The following CDC20B variants were observed in gnomAD, a reference collection of about 807,000 sequenced individuals.
CDC20B encodes the protein cell division cycle 20B.
CDC20B carries 58 observed loss-of-function variants against 64.1 expected under a neutral mutation model. The observed-to-expected ratio is 0.90, with a 90% CI of 0.73 to 1.13. The LOEUF is 1.13. Ranked by LOEUF, CDC20B falls within the 50% of genes most tolerant of loss-of-function variation. The probability of loss-of-function intolerance (pLI) is 0.00; values close to 1 mark genes in which losing one functional copy is unlikely to be tolerated. For missense variants in CDC20B, 597 were observed against 633.0 expected, an observed-to-expected ratio of 0.94 and a Z score of 0.61; for synonymous variants, 243 against 230.6, an observed-to-expected ratio of 1.05 and a Z score of -0.49.
chr5:55,152,455 A>G (rs1743693744), intron 2 of CDC20B, among the ~76,000 whole-genome samples: 1 of 152,174 alleles, frequency 6.6e-6, no homozygotes, highest in Admixed American at 6.5e-5. Flanking sequence ...TTTCATCACA[A>G]CCCTCTGAAA....
At position 55,114,345 on chromosome 5, in the gene CDC20B, T is replaced by C. The variant is rs375938676; in HGVS notation, c.1460-27A>G. The C allele has an allele frequency of 3.9e-5, 63 of 1,611,900 alleles. No individual in the cohort carries two copies. The highest frequency in any genetic ancestry group is 2.0e-4 in the Admixed American group (12 of 59,776). Reference sequence around the variant, plus strand: ...TGGGGGAAGAAGGAAAGACAGTTCATACTCCTCCACGTTACATGGGCTGCT... The same window carrying C: ...TGGGGGAAGAAGGAAAGACAGTTCACACTCCTCCACGTTACATGGGCTGCT... On this transcript the variant is annotated intron_variant, in intron 11 of 11. Transcript: ENST00000381375. The surrounding 1 kb of genome is among the most constrained non-coding windows in gnomAD (Gnocchi z 4.1).
At chr5:55,166,711 G>A (rs1237845197) in intron 2 of CDC20B, 5 of 152,198 alleles carry the variant, frequency 3.3e-5, no homozygotes, top group African/African-American at 1.2e-4. Context: ...CAGGATGCCT[G>A]GGCTAAGGAC....
rs148264209 is a variant in CDC20B at position 55,143,699 on chromosome 5, G to C, written c.356-56C>G. 143 of 1,503,610 alleles carry C rather than the reference G, an allele frequency of 9.5e-5. 1 individual carries two copies. The African/African-American group carries it at 1.8e-3, about 19-fold the overall frequency. The allele number at this position is 1,503,610 out of a possible 1,614,324, so 93.1% of individuals were successfully genotyped here. A position where few individuals can be genotyped will look rare whatever the true frequency, so the allele number is the denominator to read the frequency against. On this transcript the variant is annotated intron_variant, in intron 3 of 11. Coordinates refer to ENST00000381375, the MANE Select transcript of CDC20B (RefSeq NM_001170402.1). ...GTTTTTAAAACAAGATAATCACTTT[G>C]ATTGTAGGTCTGGCTGTGGCATCTT...
At chr5:55,129,203 G>A (rs1371634909) in intron 6 of CDC20B, among the ~76,000 whole-genome samples, 1 of 152,088 alleles carries the variant, frequency 6.6e-6, no homozygotes, top group Non-Finnish European at 1.5e-5. Context: ...ACACGTATCA[G>A]TATAAAACTA....
chr5:55,171,802 C>G (rs1224504187), intron 2 of CDC20B, among the ~76,000 whole-genome samples: 1 of 152,108 alleles, frequency 6.6e-6, no homozygotes, highest in African/African-American at 2.4e-5. Context: ...ACAAGGTCTC[C>G]CTGTGTTGTC....
intron 2 of CDC20B, among the ~76,000 whole-genome samples, chr5:55,170,284 A>G (rs1281943081): frequency 1.3e-5 from 2 of 152,218 alleles, no homozygotes; most frequent in Non-Finnish European, 1.5e-5. Context: ...AAAGACTCCA[A>G]AGACTCCAAA....
intron 2 of CDC20B, among the ~76,000 whole-genome samples, chr5:55,152,308 G>A (rs545959911): frequency 1.6e-4 from 25 of 152,324 alleles, no homozygotes; most frequent in African/African-American, 5.8e-4. Flanking sequence ...CAGCCCTAGG[G>A]AACAAATACT....
At chr5:55,148,366 CT>C (rs1380259691) in intron 2 of CDC20B, among the ~76,000 whole-genome samples, 11 of 152,238 alleles carry the variant, frequency 7.2e-5, no homozygotes, top group African/African-American at 1.7e-4. Context: ...CGTCAAAAGC[CT>C]TCATATATGT....
intron 2 of CDC20B, among the ~76,000 whole-genome samples, chr5:55,158,767 C>T (rs572658267): frequency 3.9e-5 from 6 of 152,174 alleles, no homozygotes; most frequent in Non-Finnish European, 5.9e-5. Context: ...TTAGGATATA[C>T]AGCCCTCAAT....
chr5:55,124,964 G>A lies in CDC20B; in HGVS notation c.1054C>T (p.Leu352Phe). The change falls in exon 9 of 12, where the codon CTT (leucine) becomes TTT (phenylalanine). Residue 352 changes from leucine (L) to phenylalanine (F), a missense_variant. By Grantham distance (22) the Leu-to-Phe change is conservative (BLOSUM62 0). Coordinates refer to ENST00000381375, the MANE Select transcript of CDC20B (RefSeq NM_001170402.1). ...GCACACACAGCTTGCTTGTGGCGAA[G>A]TGTTCCAACATGATGCTGGGCTACC... is the stretch of plus-strand genomic sequence containing the variant. Reference protein sequence around the residue: ...VRVAQHHVGTLRHKQAVCALK... With the variant: ...VRVAQHHVGTFRHKQAVCALK... 6.2e-7 allele frequency: 1 copy of A among 1,614,170 alleles called. No homozygotes were observed. Among genetic ancestry groups the A allele is most frequent in the Non-Finnish European group, 8.5e-7 (1 of 1,180,020 alleles).
chr5:55,137,675 T>C (rs969760041), intron 5 of CDC20B: 2 of 456,624 alleles, frequency 4.4e-6, no homozygotes, highest in African/African-American at 2.0e-5. Context: ...TCAAGTCAAG[T>C]TGGAGGAATG....
At chr5:55,120,716 C>A (rs1395328329) in intron 9 of CDC20B, among the ~76,000 whole-genome samples, 166 bp from the exon 10 acceptor site, 1 of 152,202 alleles carries the variant, frequency 6.6e-6, no homozygotes, top group Non-Finnish European at 1.5e-5. Flanking sequence ...GAGATTATTC[C>A]TCAGGGACTA....
intron 7 of CDC20B, 80 bp downstream of exon 7, chr5:55,128,341 C>A: frequency 2.8e-6 from 3 of 1,074,192 alleles, no homozygotes; most frequent in Non-Finnish European, 3.9e-6. Flanking sequence ...CTCTATTTTA[C>A]ATTAACTTGT....
intron 2 of CDC20B, among the ~76,000 whole-genome samples, chr5:55,153,129 C>T (rs3111179): frequency 0.65 from 98,737 of 151,124 alleles, 32,403 homozygotes; most frequent in Middle Eastern, 0.73. Context: ...GTCCCAGCTG[C>T]TCAGGAGACT....
intron 9 of CDC20B, among the ~76,000 whole-genome samples, chr5:55,120,801 G>A (rs1345845966): frequency 6.6e-6 from 1 of 152,112 alleles, no homozygotes; most frequent in African/African-American, 2.4e-5. Flanking sequence ...AACAATTGTG[G>A]ATTTTTTAAC....
intron 4 of CDC20B, 29 bp downstream of exon 4, chr5:55,143,484 G>A: frequency 6.4e-7 from 1 of 1,552,516 alleles, no homozygotes; most frequent in Non-Finnish European, 8.7e-7. Flanking sequence ...TCTAGATGTG[G>A]GATCTTCAGT....
At chr5:55,124,094 T>G (rs147404433) in intron 9 of CDC20B, among the ~76,000 whole-genome samples, 78 of 152,336 alleles carry the variant, frequency 5.1e-4, no homozygotes, top group African/African-American at 1.8e-3. Flanking sequence ...CTATGGAATT[T>G]TTTTACTAGA....
intron 2 of CDC20B, among the ~76,000 whole-genome samples, chr5:55,149,664 T>C (rs1478621472): frequency 1.3e-5 from 2 of 152,140 alleles, no homozygotes; most frequent in Non-Finnish European, 2.9e-5. Context: ...GGAAAATCCA[T>C]AGGCGGAGAA....
intron 1 of CDC20B, 60 bp from the exon 2 acceptor site, chr5:55,172,710 G>T: frequency 7.7e-7 from 1 of 1,295,212 alleles, no homozygotes; most frequent in Non-Finnish European, 1.1e-6. Context: ...ATAATTTCAG[G>T]TGTGGAATTT....
Sources: gnomAD v4.1 joint callset for allele counts (sites outside exome capture counted in the v4.1 genomes callset) on GRCh38, gnomAD v4.1.1 for gene constraint, Gnocchi (gnomAD v3.1) non-coding constraint, MANE v1.5 for transcripts, NCBI Gene and HGNC (gene_info 2026-07-23, HGNC 2026-07-21) for gene names.